NBAS: variants seen among roughly 807,000 people sequenced by gnomAD.
NBAS encodes NAG/BC035112 fusion.
Under a neutral mutation model 302.5 loss-of-function variants are expected in NBAS, and 219 were observed. That is an observed-to-expected ratio of 0.72 (90% CI 0.65 to 0.81). NBAS has a LOEUF of 0.81. NBAS is among the 30% of genes least tolerant of loss of function. The pLI, the probability that NBAS is intolerant of heterozygous loss-of-function variation, is 0.00. For synonymous variants in NBAS, 1,118 were observed against 1,021.6 expected, an observed-to-expected ratio of 1.09 and a Z score of -1.80; for missense variants, 2,932 against 2,841.6, an observed-to-expected ratio of 1.03 and a Z score of -0.72.
intron 43 of NBAS, 25 bp from the exon 44 acceptor site, chr2:15,275,843 G>C (rs762621575): frequency 3.1e-6 from 5 of 1,595,348 alleles, no homozygotes; most frequent in Non-Finnish European, 4.3e-6. Flanking sequence ...AAGAAAGTAG[G>C]TAAGTGGTTC....
chr2:15,122,237 C>T, the NBAS span, among the ~76,000 whole-genome samples: 1 of 151,614 alleles, frequency 6.6e-6, no homozygotes, highest in African/African-American at 2.4e-5. Context: ...TTAGGCTTCA[C>T]AGAAAGGTGC....
the NBAS span, among the ~76,000 whole-genome samples, chr2:14,997,436 C>T: frequency 1.3e-4 from 19 of 150,308 alleles, no homozygotes; most frequent in African/African-American, 4.2e-4. Flanking sequence ...ACTGACCCAA[C>T]GCCAGGCCCT....
At chr2:15,092,941 C>A in the NBAS span, among the ~76,000 whole-genome samples, 3 of 152,118 alleles carry the variant, frequency 2.0e-5, no homozygotes, top group African/African-American at 7.2e-5. Flanking sequence ...TGTGTTTTTA[C>A]CCAAAGCACA....
chr2:15,328,009 T>C (rs1185000144), intron 37 of NBAS, 139 bp from the exon 38 acceptor site: 1 of 1,347,396 alleles, frequency 7.4e-7, no homozygotes, highest in African/African-American at 1.5e-5. Flanking sequence ...TGTTATTTTA[T>C]GAAACATTTT....
At chr2:14,962,002 G>A in the NBAS span, among the ~76,000 whole-genome samples, 2 of 152,128 alleles carry the variant, frequency 1.3e-5, no homozygotes, top group Non-Finnish European at 2.9e-5. Flanking sequence ...TCGAACTCCT[G>A]ACCTCAAGTG....
the NBAS span, among the ~76,000 whole-genome samples, chr2:14,911,355 G>A: frequency 1.3e-5 from 2 of 152,192 alleles, no homozygotes; most frequent in Non-Finnish European, 2.9e-5. Context: ...TATGAGACTG[G>A]AGAGTGATCC....
chr2:15,458,546 C>A (rs554281541), intron 21 of NBAS, among the ~76,000 whole-genome samples: 2 of 152,222 alleles, frequency 1.3e-5, no homozygotes, highest in African/African-American at 2.4e-5. Flanking sequence ...CATGTGAGAG[C>A]GCTTGCTCCC....
At chr2:14,920,000 C>T in the NBAS span, among the ~76,000 whole-genome samples, 8 of 152,326 alleles carry the variant, frequency 5.3e-5, no homozygotes, top group Middle Eastern at 3.4e-3. Flanking sequence ...ATGCTGAATT[C>T]CTTCCAGAAC....
Position 15,392,004 on chromosome 2 carries a change from C to T in NBAS, c.3257+2223G>A, listed in dbSNP as rs139346394. Reference sequence around the variant, plus strand: ...CAAACAAAGATGTACAAATGAATCACTGGCATCCTAGCACTACCAAAAAAA... The same window carrying T: ...CAAACAAAGATGTACAAATGAATCATTGGCATCCTAGCACTACCAAAAAAA... On this transcript the variant is annotated intron_variant, in intron 28 of 51. Coordinates refer to ENST00000281513, the MANE Select transcript of NBAS (RefSeq NM_015909.4). Among the ~76,000 whole-genome samples, 340 of 144,974 alleles carry T rather than the reference C, an allele frequency of 2.3e-3. 2 individuals carry two copies. The highest frequency in any genetic ancestry group is 5.7e-3 in the Admixed American group (81 of 14,132).
the NBAS span, chr2:14,907,796 T>C: frequency 6.6e-6 from 1 of 152,250 alleles, no homozygotes; most frequent in African/African-American, 2.4e-5. Context: ...TGGAGTTGGA[T>C]CGAATTGGAC....
the NBAS span, among the ~76,000 whole-genome samples, chr2:15,012,026 T>G: frequency 6.6e-6 from 1 of 152,050 alleles, no homozygotes; most frequent in Admixed American, 6.6e-5. Flanking sequence ...CAAGGAAACA[T>G]GACACCTCCA....
intron 44 of NBAS, among the ~76,000 whole-genome samples, chr2:15,266,253 T>C (rs1442141340): frequency 2.0e-5 from 3 of 152,212 alleles, no homozygotes; most frequent in African/African-American, 7.2e-5. Flanking sequence ...GTCTCAGGTA[T>C]TTCTTCATAG....
At chr2:15,379,901 T>A in intron 29 of NBAS, 70 bp from the exon 30 acceptor site, 1 of 1,435,088 alleles carries the variant, frequency 7.0e-7, no homozygotes, top group Non-Finnish European at 9.8e-7. Flanking sequence ...ATGAAGGCTC[T>A]GAAATCCAAA....
chr2:15,428,533 T>C (rs138634536), intron 21 of NBAS, among the ~76,000 whole-genome samples: 1 of 152,132 alleles, frequency 6.6e-6, no homozygotes, highest in African/African-American at 2.4e-5. Context: ...AGTTCAAGGC[T>C]AGCCTAGGCA....
chr2:15,376,097 T>G (rs1325170905), intron 30 of NBAS, among the ~76,000 whole-genome samples: 2 of 152,228 alleles, frequency 1.3e-5, no homozygotes, highest in Non-Finnish European at 2.9e-5. Context: ...TGTCAATACA[T>G]ATATCCTTTT....
chr2:15,496,301 T>C (rs529158889), intron 11 of NBAS, among the ~76,000 whole-genome samples: 47 of 152,186 alleles, frequency 3.1e-4, no homozygotes, highest in African/African-American at 1.1e-3. Context: ...AACTAAAAGA[T>C]TAGGGGTTGC....
chr2:14,832,016 G>C, the NBAS span, among the ~76,000 whole-genome samples: 2 of 152,158 alleles, frequency 1.3e-5, no homozygotes, highest in African/African-American at 4.8e-5. Flanking sequence ...AGGAAATCAG[G>C]AAGTGCTAGT....
Position 15,424,318 on chromosome 2 carries a change from C to A in NBAS, c.2574G>T (p.Arg858=). ...TRAEEIEHYA[R]QVDCALSLIR... ...AGCAGCTGCCATTTCCCCTCACCTG[C>A]CGAGCATAATGCTCTATTTCCTCTG... The change falls in exon 23 of 52, where the codon CGG becomes CGT. Residue 858 remains arginine, a synonymous_variant. Coordinates refer to ENST00000281513, the MANE Select transcript of NBAS (RefSeq NM_015909.4). 1 of 1,614,066 alleles carries A rather than the reference C, an allele frequency of 6.2e-7. No homozygotes were observed. Among genetic ancestry groups the A allele is most frequent in the African/African-American group, 1.3e-5 (1 of 75,050 alleles).
At chr2:15,339,286 C>A (rs1672742595) in intron 35 of NBAS, among the ~76,000 whole-genome samples, 1 of 152,030 alleles carries the variant, frequency 6.6e-6, no homozygotes, top group African/African-American at 2.4e-5. Context: ...CGCTAGGCAA[C>A]AGGATTACTA....
Sources: gnomAD v4.1 joint callset for allele counts (sites outside exome capture counted in the v4.1 genomes callset) on GRCh38, gnomAD v4.1.1 for gene constraint, MANE v1.5 for transcripts, NCBI Gene and HGNC (gene_info 2026-07-23, HGNC 2026-07-21) for gene names.